MKRN1: variants seen among roughly 807,000 people sequenced by gnomAD.
MKRN1 encodes E3 ubiquitin-protein ligase makorin-1.
MKRN1 carries 9 observed loss-of-function variants against 55.5 expected under a neutral mutation model. The observed-to-expected ratio is 0.16, with a 90% CI of 0.10 to 0.28. The LOEUF (loss-of-function observed/expected upper bound fraction) is 0.28, where lower values mean the gene tolerates loss of function less well. MKRN1 is among the 10% of genes least tolerant of loss of function. MKRN1 has a pLI of 1.00. For missense variants in MKRN1, 488 were observed against 626.7 expected (o/e 0.78, Z 2.36); for synonymous variants, 253 against 235.9 (o/e 1.07, Z -0.66).
At chr7:140,476,545 G>GTTT (rs72087358) in intron 1 of MKRN1, among the ~76,000 whole-genome samples, 1 of 125,968 alleles carries the variant, frequency 7.9e-6, no homozygotes. Flanking sequence ...TACAAGTTTT[G>GTTT]TTTTTTTTTT....
intron 1 of MKRN1, chr7:140,473,812 G>A (rs1225439756): frequency 2.0e-5 from 3 of 151,760 alleles, no homozygotes; most frequent in African/African-American, 7.3e-5. Context: ...GACCAACATG[G>A]TGAAAGCGGT....
chr7:140,460,175 A>G (rs1311203751), intron 2 of MKRN1: 2 of 469,854 alleles, frequency 4.3e-6, no homozygotes, highest in East Asian at 8.6e-5. Context: ...TGAACCCAGG[A>G]GACAGAGGTT....
chr7:140,458,889 T>C, intron 4 of MKRN1, 118 bp downstream of exon 4: 1 of 1,092,154 alleles, frequency 9.2e-7, no homozygotes, highest in Admixed American at 2.3e-5. Context: ...AAAACTTCCC[T>C]ACTCACTGAT....
chr7:140,456,839 T>C lies in MKRN1; in HGVS notation c.799A>G (p.Met267Val). Residue 267 changes from methionine (M) to valine (V), a missense_variant, in exon 5 of 8, where the codon ATG becomes GTG. Around this residue, in one of 2 missense-constraint regions of MKRN1, gnomAD observed 278 missense variants for 406.7 expected, o/e 0.68. Transcript: ENST00000255977. Reference sequence around the variant, plus strand: ...CGCTGCACGGCAAATGAGAGCTCCATGTCCTTCTCATGGGCCTCAATGCAC... The same window carrying C: ...CGCTGCACGGCAAATGAGAGCTCCACGTCCTTCTCATGGGCCTCAATGCAC... ...KSCIEAHEKD[M>V]ELSFAVQRSK... The C allele has an allele frequency of 6.2e-7, 1 of 1,613,944 alleles. No homozygotes were observed. The highest frequency in any genetic ancestry group is 8.5e-7 in the Non-Finnish European group (1 of 1,179,876).
At position 140,472,020 on chromosome 7, in the gene MKRN1, C is replaced by T. The variant is rs752518959; in HGVS notation, c.186-9G>A. On this transcript the variant is annotated splice_polypyrimidine_tract_variant and intron_variant, in intron 1 of 7. Coordinates refer to ENST00000255977, the MANE Select transcript of MKRN1 (RefSeq NM_013446.4). Reference sequence around the variant, plus strand: ...CCCCATGCATAAAATACCTGTGAGACGAAAGACCACAAAACTGGATTAAAA... The same window carrying T: ...CCCCATGCATAAAATACCTGTGAGATGAAAGACCACAAAACTGGATTAAAA... The T allele has an allele frequency of 1.4e-4, 224 of 1,613,592 alleles. No homozygotes were observed. The highest frequency in any genetic ancestry group is 1.8e-4 in the Non-Finnish European group (210 of 1,179,910).
In MKRN1 at chr7:140,479,261, G is replaced by C. The variant is rs542039727; in HGVS notation, c.84C>G (p.Pro28=). Residue 28 remains proline (P), a synonymous_variant, in exon 1 of 8, where the codon CCC becomes CCG. Coordinates refer to ENST00000255977, the MANE Select transcript of MKRN1 (RefSeq NM_013446.4). ...AAAATAAAAS[P]TPIPTVTAPS... is the part of the protein sequence containing the mutation. ...GGGCGGTGACTGTGGGGATCGGGGT[G>C]GGGGAGGCTGCTGCCGCCGTCGCCG... 2.1e-6 allele frequency: 3 copies of C among 1,402,558 alleles called. No homozygotes were observed. The highest frequency in any genetic ancestry group is 3.2e-5 in the South Asian group (2 of 63,232). 86.9% of individuals were successfully genotyped at this position (1,402,558 alleles called of 1,614,324 possible). A position where few individuals can be genotyped will look rare whatever the true frequency, so the allele number is the denominator to read the frequency against.
chr7:140,460,815 G>T (rs953517448), intron 2 of MKRN1, among the ~76,000 whole-genome samples: 1 of 152,166 alleles, frequency 6.6e-6, no homozygotes, highest in Non-Finnish European at 1.5e-5. Flanking sequence ...GGCTTTGTAG[G>T]TCATACAATC....
At chr7:140,472,045 A>G (rs746462989) in intron 1 of MKRN1, 34 bp from the exon 2 acceptor site, 7 of 1,612,918 alleles carry the variant, frequency 4.3e-6, no homozygotes, top group Non-Finnish European at 5.9e-6. Flanking sequence ...CTGGATTAAA[A>G]CCAATCCTTG....
intron 2 of MKRN1, among the ~76,000 whole-genome samples, chr7:140,464,810 G>A (rs932224806): frequency 6.6e-6 from 1 of 151,802 alleles, no homozygotes. Context: ...TTTTCTTTGA[G>A]ACAGGGTCTC....
intron 5 of MKRN1, chr7:140,456,156 A>C (rs1328868528): frequency 1.7e-6 from 2 of 1,207,680 alleles, no homozygotes; most frequent in Non-Finnish European, 1.0e-6. Flanking sequence ...TAAAAAACAA[A>C]AACAAAAGAA....
At chr7:140,477,120 A>T (rs1389798492) in intron 1 of MKRN1, among the ~76,000 whole-genome samples, 2 of 148,442 alleles carry the variant, frequency 1.3e-5, no homozygotes, top group Admixed American at 1.3e-4. Context: ...AAAAAAAATG[A>T]TAGTTGACAT....
rs375734568 is a variant in MKRN1, at chr7:140,454,503, G to A, written c.*14C>T. The A allele has an allele frequency of 1.4e-5, 23 of 1,607,306 alleles. No individual in the cohort carries two copies. Among genetic ancestry groups the A allele is most frequent in the African/African-American group, 5.3e-5 (4 of 74,864 alleles). ...CTGAGGTCAGCAGACCAGTTCACAC[G>A]CCACGCAAGGTTGCTATAGATCCAA... is the stretch of plus-strand genomic sequence containing the variant. On this transcript the variant is annotated 3_prime_UTR_variant, in exon 8 of 8. Transcript: ENST00000255977.
At chr7:140,467,453 T>C (rs942943329) in intron 2 of MKRN1, among the ~76,000 whole-genome samples, 1 of 151,998 alleles carries the variant, frequency 6.6e-6, no homozygotes, top group African/African-American at 2.4e-5. Flanking sequence ...AATTTTTGTA[T>C]TTTCAGTAGA....
intron 2 of MKRN1, among the ~76,000 whole-genome samples, chr7:140,460,843 T>C (rs1248078969): frequency 1.3e-5 from 2 of 152,224 alleles, no homozygotes; most frequent in Non-Finnish European, 2.9e-5. Context: ...CAACTACAAG[T>C]ATTCAACTCT....
At chr7:140,476,164 C>T (rs1795110661) in intron 1 of MKRN1, among the ~76,000 whole-genome samples, 2 of 152,058 alleles carry the variant, frequency 1.3e-5, no homozygotes, top group East Asian at 1.9e-4. Flanking sequence ...TAAAACACAC[C>T]TCTACCTGAT....
chr7:140,479,479 C>G lies in MKRN1; in HGVS notation c.-135G>C. 1.1e-6 allele frequency: 1 copy of G among 928,636 alleles called. No homozygotes were observed. Among genetic ancestry groups the G allele is most frequent in the African/African-American group, 1.7e-5 (1 of 58,262 alleles). 57.5% of individuals were successfully genotyped at this position (928,636 alleles called of 1,614,324 possible). A position where few individuals can be genotyped will look rare whatever the true frequency, so the allele number is the denominator to read the frequency against. On this transcript the variant is annotated 5_prime_UTR_variant, in exon 1 of 8. Coordinates refer to ENST00000255977, the MANE Select transcript of MKRN1 (RefSeq NM_013446.4). ...GAGGCACCCGTTCGGTCCCCGCCTG[C>G]TACGCGTCGCGTATCTGAGCGCTCT...
chr7:140,467,166 G>A (rs1486492343), intron 2 of MKRN1, among the ~76,000 whole-genome samples: 3 of 151,866 alleles, frequency 2.0e-5, no homozygotes, highest in African/African-American at 4.8e-5. Flanking sequence ...TGGTAGAGAC[G>A]GGGTTTTCCA....
intron 4 of MKRN1, 193 bp from the exon 5 acceptor site, chr7:140,457,059 C>G: frequency 1.6e-6 from 1 of 617,030 alleles, no homozygotes; most frequent in Non-Finnish European, 2.8e-6. Flanking sequence ...TTTGTTTTTG[C>G]GGTGGTACTT....
intron 2 of MKRN1, among the ~76,000 whole-genome samples, chr7:140,464,429 C>T (rs1028459454): frequency 2.6e-5 from 4 of 151,812 alleles, no homozygotes; most frequent in Admixed American, 2.6e-4. Context: ...ATAAGCCAGG[C>T]ACGGTGGCTC....
Sources: allele counts gnomAD v4.1 joint callset (sites outside exome capture counted in the v4.1 genomes callset), GRCh38; gene constraint gnomAD v4.1.1; regional missense constraint gnomAD v4.1.1; transcripts MANE v1.5; gene names NCBI Gene and HGNC (gene_info 2026-07-23, HGNC 2026-07-21).